Variants in DOCK7 observed in about 807,000 individuals in gnomAD.
DOCK7 encodes the protein dedicator of cytokinesis protein 7.
DOCK7 carries 138 observed loss-of-function variants against 271.0 expected under a neutral mutation model. The observed-to-expected ratio is 0.51, with a 90% CI of 0.44 to 0.59. The LOEUF is 0.59. Among genes scored for constraint, DOCK7 ranks in the 20% least tolerant of loss-of-function variants. The probability of loss-of-function intolerance (pLI) is 0.00; values close to 1 mark genes in which losing one functional copy is unlikely to be tolerated. For missense variants in DOCK7, 2,066 were observed against 2,592.4 expected (o/e 0.80, Z 4.41); for synonymous variants, 823 against 876.1 (o/e 0.94, Z 1.07).
intron 37 of DOCK7, among the ~76,000 whole-genome samples, chr1:62,497,855 A>C (rs928789129): frequency 1.3e-5 from 2 of 152,198 alleles, no homozygotes; most frequent in Non-Finnish European, 2.9e-5. Flanking sequence ...GTCACACTAC[A>C]TAGTAGGCAC....
intron 22 of DOCK7, among the ~76,000 whole-genome samples, chr1:62,550,252 T>C (rs1645851974): frequency 6.7e-6 from 1 of 150,368 alleles, no homozygotes; most frequent in Non-Finnish European, 1.5e-5. Context: ...AGATGAGAGC[T>C]TGAGTGAAAG....
intron 14 of DOCK7, among the ~76,000 whole-genome samples, chr1:62,606,430 A>G (rs1235261759): frequency 6.6e-6 from 1 of 151,956 alleles, no homozygotes; most frequent in East Asian, 1.9e-4. Flanking sequence ...TTCTGGTAGA[A>G]GAAGAGAAAG....
At chr1:62,485,542 G>C (rs1008582379) in intron 43 of DOCK7, 1 of 985,270 alleles carries the variant, frequency 1.0e-6, no homozygotes, top group African/African-American at 1.7e-5. Context: ...CTTCAATCCA[G>C]TGAAAGATCT....
chr1:62,583,082 G>T, intron 16 of DOCK7, 102 bp downstream of exon 16: 1 of 900,110 alleles, frequency 1.1e-6, no homozygotes, highest in Non-Finnish European at 1.7e-6. Context: ...CTTGAATTTG[G>T]CACATTTAGT....
intron 7 of DOCK7, chr1:62,641,735 C>A: frequency 3.2e-6 from 1 of 316,584 alleles, no homozygotes; most frequent in South Asian, 2.8e-5. Context: ...TGGCAGCCAC[C>A]TGGGAAAGGC....
At chr1:62,561,558 T>C in intron 19 of DOCK7, 59 bp downstream of exon 19, 1 of 1,062,946 alleles carries the variant, frequency 9.4e-7, no homozygotes, top group Non-Finnish European at 1.3e-6. Context: ...TCACAAGTAT[T>C]AGATATTACG....
At chr1:62,489,357 G>A (rs570301327) in intron 41 of DOCK7, among the ~76,000 whole-genome samples, 51 of 152,306 alleles carry the variant, frequency 3.3e-4, no homozygotes, top group African/African-American at 1.1e-3. Flanking sequence ...GCTGAGGCAG[G>A]AGAATGGCGT....
chr1:62,519,006 TAC>T lies in DOCK7; in HGVS notation c.3937-5110_3937-5109del, dbSNP rs61224578. Among the ~76,000 whole-genome samples, 476 of 148,210 alleles carry T rather than the reference TAC, an allele frequency of 3.2e-3. 8 individuals carry two copies. The East Asian group carries it at 0.052, about 16-fold the overall frequency. ...TGAAAGGGATGAAAAAGTCATGCTATACACACACACACACACACACACACACA... is the reference window on the plus strand; with the variant it reads ...TGAAAGGGATGAAAAAGTCATGCTATACACACACACACACACACACACACA... On this transcript the variant is annotated intron_variant, in intron 31 of 49. Coordinates refer to ENST00000635253, the MANE Select transcript of DOCK7 (RefSeq NM_001367561.1).
intron 1 of DOCK7, 44 bp from the exon 2 acceptor site, chr1:62,663,174 A>G: frequency 6.8e-7 from 1 of 1,466,428 alleles, no homozygotes; most frequent in Non-Finnish European, 9.3e-7. Context: ...TGAAAAAAAA[A>G]AAAACTAAAC....
intron 1 of DOCK7, among the ~76,000 whole-genome samples, chr1:62,676,077 CA>C (rs1312020186): frequency 6.6e-6 from 1 of 152,106 alleles, no homozygotes; most frequent in Non-Finnish European, 1.5e-5. Context: ...AGCCTTCAAA[CA>C]AAAGTTTTAT....
In DOCK7 at chr1:62,549,833, C is replaced by G. The variant is rs1392951321; in HGVS notation, c.2766+2899G>C. ...CCCTCCTAACACCCACTGCCCCTTC[C>G]CAGTCTTTGGTAACTATCATTCTAC... On this transcript the variant is annotated intron_variant, in intron 22 of 49. Coordinates refer to ENST00000635253, the MANE Select transcript of DOCK7 (RefSeq NM_001367561.1). Among the ~76,000 whole-genome samples the G allele has an allele frequency of 7.9e-5, 12 of 152,062 alleles. 1 individual carries two copies. Among genetic ancestry groups the G allele is most frequent in the Admixed American group, 7.9e-4 (12 of 15,234 alleles).
At chr1:62,635,339 T>G (rs1206947328) in intron 8 of DOCK7, 2 of 152,660 alleles carry the variant, frequency 1.3e-5, no homozygotes, top group Admixed American at 6.5e-5. Context: ...GAGATTGAGA[T>G]CATCCTGGCC....
intron 48 of DOCK7, among the ~76,000 whole-genome samples, chr1:62,459,795 G>T (rs944135607): frequency 6.6e-6 from 1 of 151,952 alleles, no homozygotes; most frequent in African/African-American, 2.4e-5. Flanking sequence ...AATTATTCTA[G>T]AGTATATAAA....
chr1:62,604,447 G>A (rs752189550), intron 14 of DOCK7: 10 of 882,374 alleles, frequency 1.1e-5, no homozygotes, highest in African/African-American at 5.1e-5. Flanking sequence ...CTATTTTTTG[G>A]TAGTGTATAG....
At chr1:62,604,025 G>C (rs1397699643) in intron 14 of DOCK7, 1 of 1,613,088 alleles carries the variant, frequency 6.2e-7, no homozygotes, top group Non-Finnish European at 8.5e-7. Context: ...ATCTAATTAT[G>C]TTTTACGAAT....
At chr1:62,499,024 A>C (rs1465193067) in intron 37 of DOCK7, among the ~76,000 whole-genome samples, 2 of 150,848 alleles carry the variant, frequency 1.3e-5, no homozygotes, top group East Asian at 1.9e-4. Flanking sequence ...CTGGTCTTGA[A>C]CTCCTGACCT....
At position 62,654,148 on chromosome 1, in the gene DOCK7, G is replaced by C. The variant is rs147045113; in HGVS notation, c.156C>G (p.Thr52=). 11 of 1,612,032 alleles carry C rather than the reference G, an allele frequency of 6.8e-6. No individual in the cohort carries two copies. Among genetic ancestry groups the C allele is most frequent in the Non-Finnish European group, 9.3e-6 (11 of 1,178,962 alleles). The stretch of plus-strand genomic sequence containing the variant: ...CCAAATCCACTGGATCTACTGCTTC[G>C]GTAAGGGGCACCTTTGTAAAAAGTT... The part of the protein sequence containing the change: ...NISHHTTVPL[T]EAVDPVDLED... Residue 52 remains threonine, a synonymous_variant, in exon 3 of 50, where the codon ACC becomes ACG. Coordinates refer to ENST00000635253, the MANE Select transcript of DOCK7 (RefSeq NM_001367561.1).
chr1:62,681,149 T>C (rs948936596), intron 1 of DOCK7, among the ~76,000 whole-genome samples: 28 of 152,126 alleles, frequency 1.8e-4, no homozygotes, highest in Non-Finnish European at 3.8e-4. Context: ...TGTCCATCAA[T>C]GATAGACTGG....
At chr1:62,624,250 G>A (rs920859089) in intron 12 of DOCK7, among the ~76,000 whole-genome samples, 4 of 151,944 alleles carry the variant, frequency 2.6e-5, no homozygotes, top group African/African-American at 9.7e-5. Flanking sequence ...GGGGGGGAAC[G>A]ACTCCCTAAA....
Sources: gnomAD v4.1 joint callset for allele counts (sites outside exome capture counted in the v4.1 genomes callset) on GRCh38, gnomAD v4.1.1 for gene constraint, MANE v1.5 for transcripts, NCBI Gene and HGNC (gene_info 2026-07-23, HGNC 2026-07-21) for gene names.